Variants in RAD52 observed in about 807,000 individuals in gnomAD.
RAD52 encodes the protein DNA repair protein RAD52 homolog.
Under a neutral mutation model 55.5 loss-of-function variants are expected in RAD52, and 47 were observed. That is an observed-to-expected ratio of 0.85 (90% CI 0.67 to 1.08). RAD52 has a LOEUF of 1.08. Among genes scored for constraint, RAD52 ranks in the 50% least tolerant of loss-of-function variants. The pLI is 0.00. For missense variants in RAD52, 468 were observed against 522.8 expected (o/e 0.90, Z 1.02); for synonymous variants, 184 against 198.9 (o/e 0.92, Z 0.63).
intron 1 of RAD52, among the ~76,000 whole-genome samples, chr12:935,727 C>T (rs1334114347): frequency 3.3e-5 from 5 of 151,668 alleles, no homozygotes; most frequent in Admixed American, 1.3e-4. Context: ...GTGGTGCATG[C>T]CTGTAATCCC....
chr12:958,204 G>C (rs994748608), intron 1 of RAD52, among the ~76,000 whole-genome samples: 1 of 151,786 alleles, frequency 6.6e-6, no homozygotes, highest in Non-Finnish European at 1.5e-5. Flanking sequence ...TCAGAAAGCT[G>C]TATTGCCTTC....
intron 1 of RAD52, among the ~76,000 whole-genome samples, chr12:986,224 G>A (rs560367472): frequency 8.5e-5 from 13 of 152,136 alleles, no homozygotes; most frequent in South Asian, 4.2e-4. Context: ...GTGAGCCGCC[G>A]CACCTGGCCT....
At chr12:931,404 T>G in intron 2 of RAD52, 83 bp from the exon 3 acceptor site, 1 of 1,069,928 alleles carries the variant, frequency 9.3e-7, no homozygotes, top group African/African-American at 1.6e-5. Context: ...GGAGACTTTA[T>G]ACTCTTAAAA....
intron 2 of RAD52, among the ~76,000 whole-genome samples, chr12:932,650 T>A (rs985956805): frequency 4.5e-4 from 69 of 151,802 alleles, no homozygotes; most frequent in African/African-American, 1.5e-3. Context: ...CCCAGTACTA[T>A]CAGTCTTTTG....
At chr12:966,105 G>A (rs911369106) in intron 1 of RAD52, among the ~76,000 whole-genome samples, 20 of 151,954 alleles carry the variant, frequency 1.3e-4, no homozygotes, top group South Asian at 6.2e-4. Flanking sequence ...GCCTCTGGAC[G>A]GGCATGTGCC....
At chr12:927,442 T>A (rs1957100745) in intron 5 of RAD52, among the ~76,000 whole-genome samples, 179 bp from the exon 6 acceptor site, 1 of 152,138 alleles carries the variant, frequency 6.6e-6, no homozygotes. Context: ...AGACCTGGGC[T>A]GCCTGGACAT....
chr12:923,058 A>G (rs928632568), intron 7 of RAD52, among the ~76,000 whole-genome samples: 1 of 151,840 alleles, frequency 6.6e-6, no homozygotes, highest in African/African-American at 2.4e-5. Flanking sequence ...GGGTTTCACC[A>G]TGTTGGCCAG....
chr12:965,829 C>G (rs547676860), intron 1 of RAD52, among the ~76,000 whole-genome samples: 1 of 151,774 alleles, frequency 6.6e-6, no homozygotes, highest in Non-Finnish European at 1.5e-5. Context: ...TGGGATTACA[C>G]ATATGCACCA....
chr12:956,953 A>C (rs1327851227), intron 1 of RAD52, among the ~76,000 whole-genome samples: 1 of 152,248 alleles, frequency 6.6e-6, no homozygotes, highest in Non-Finnish European at 1.5e-5. Flanking sequence ...TATAAAGCAC[A>C]CAATATCTGA....
chr12:980,200 G>C (rs1958993549), intron 1 of RAD52, among the ~76,000 whole-genome samples: 1 of 151,980 alleles, frequency 6.6e-6, no homozygotes, highest in Admixed American at 6.6e-5. Flanking sequence ...GGCCAGCGGG[G>C]GGTGGAAGGG....
chr12:947,390 G>C (rs1160416403), intron 1 of RAD52, among the ~76,000 whole-genome samples: 1 of 151,766 alleles, frequency 6.6e-6, no homozygotes, highest in African/African-American at 2.4e-5. Context: ...GCTCACACCT[G>C]TAATCCCAGC....
intron 1 of RAD52, chr12:976,830 G>A (rs565446711): frequency 6.6e-6 from 1 of 152,278 alleles, no homozygotes; most frequent in Non-Finnish European, 1.5e-5. Flanking sequence ...TTTTGATGAT[G>A]ACTTGCAAAT....
intron 2 of RAD52, 78 bp from the exon 3 acceptor site, chr12:931,399 C>T (rs948525565): frequency 8.9e-5 from 96 of 1,078,130 alleles, no homozygotes; most frequent in Non-Finnish European, 1.2e-4. Flanking sequence ...TTTATGGAGA[C>T]TTTATACTCT....
At chr12:952,722 T>C (rs536440163), upstream of RAD52, among the ~76,000 whole-genome samples, 70 of 149,978 alleles carry the variant, frequency 4.7e-4, no homozygotes, top group African/African-American at 1.7e-3. Flanking sequence ...TAAAACCCCG[T>C]CTCTACTAAA....
intron 1 of RAD52, among the ~76,000 whole-genome samples, chr12:977,425 G>T (rs1565713132): frequency 6.6e-6 from 1 of 152,176 alleles, no homozygotes; most frequent in Non-Finnish European, 1.5e-5. Context: ...TACCATGCTT[G>T]CCTGGCCATG....
rs1211832885 is a variant in RAD52, at chr12:932,844, CTGCTCACA to C, written c.84+123_84+130del. On this transcript the variant is annotated intron_variant, in intron 2 of 11. Transcript: ENST00000358495. ...ACGTACTAGGTAAACGTACTAGGTACTGCTCACACACGTACTAGGTAAACGTACTAGGT... is the reference window on the plus strand; with the variant it reads ...ACGTACTAGGTAAACGTACTAGGTACCACGTACTAGGTAAACGTACTAGGT... The C allele has an allele frequency of 3.7e-5, 25 of 670,894 alleles. No homozygotes were observed. The Admixed American group carries it at 3.8e-4, about 10-fold the overall frequency. The allele number at this position is 670,894 out of a possible 1,614,324, so 41.6% of individuals were successfully genotyped here.
chr12:965,853 A>AT (rs1008899168), intron 1 of RAD52, among the ~76,000 whole-genome samples: 28 of 151,818 alleles, frequency 1.8e-4, no homozygotes, highest in Non-Finnish European at 2.8e-4. Context: ...CACCTGGCTA[A>AT]TTTTTGTATT....
rs540350747 is a variant in RAD52, at chr12:919,715, C to G, written c.544-2895G>C. Among the ~76,000 whole-genome samples the G allele has an allele frequency of 3.8e-3, 423 of 111,698 alleles. 101 individuals carry two copies. Among genetic ancestry groups the G allele is most frequent in the South Asian group, 7.4e-3 (21 of 2,856 alleles). 73.3% of individuals were successfully genotyped at this position (111,698 alleles called of 152,430 possible). On this transcript the variant is annotated intron_variant, in intron 7 of 11. Transcript: ENST00000358495. Reference sequence around the variant, plus strand: ...GCAGTGAGCCAAGATAGCGCCACTGCACTCCAGCCTGGGCGACAGAGCAAG... The same window carrying G: ...GCAGTGAGCCAAGATAGCGCCACTGGACTCCAGCCTGGGCGACAGAGCAAG...
At chr12:926,595 C>G (rs929006606) in intron 6 of RAD52, among the ~76,000 whole-genome samples, 1 of 152,156 alleles carries the variant, frequency 6.6e-6, no homozygotes, top group African/African-American at 2.4e-5. Flanking sequence ...TCCCTCTTCA[C>G]CTTCTGCCAT....
Sources: allele counts gnomAD v4.1 joint callset (sites outside exome capture counted in the v4.1 genomes callset), GRCh38; gene constraint gnomAD v4.1.1; transcripts MANE v1.5; gene names NCBI Gene and HGNC (gene_info 2026-07-23, HGNC 2026-07-21).